PLAC8L1: variants seen among roughly 807,000 people sequenced by gnomAD.
PLAC8L1 encodes the protein PLAC8 like 1.
In PLAC8L1, 13 loss-of-function variants were observed where a neutral mutation model predicts 16.3. The observed-to-expected ratio is 0.80, with a 90% confidence interval of 0.52 to 1.27. PLAC8L1 has a LOEUF of 1.27. Among genes scored for constraint, PLAC8L1 ranks in the 50% most tolerant of loss-of-function variants. The pLI is 0.00. For missense variants in PLAC8L1, 184 were observed against 220.2 expected, an observed-to-expected ratio of 0.84 and a Z score of 1.04; for synonymous variants, 78 against 79.3, an observed-to-expected ratio of 0.98 and a Z score of 0.09.
rs1763876232 is a variant in PLAC8L1 at position 146,104,446 on chromosome 5, A to G, written c.-135T>C. The G allele has an allele frequency of 1.4e-6, 1 of 739,590 alleles. No homozygotes were observed. The highest frequency in any genetic ancestry group is 1.8e-5 in the African/African-American group (1 of 56,506). 45.8% of individuals were successfully genotyped at this position (739,590 alleles called of 1,614,324 possible). ...CCTTAATATTCTGGAACCTGAGGTC[A>G]TAGCAGTGTAACTAACAGACATCTT... On this transcript the variant is annotated 5_prime_UTR_variant, in exon 1 of 4. The change abolishes an upstream ATG in the 5' untranslated region. Transcript: ENST00000311450.
At chr5:146,088,115 C>A (rs1763553376) in intron 2 of PLAC8L1, among the ~76,000 whole-genome samples, 1 of 152,154 alleles carries the variant, frequency 6.6e-6, no homozygotes. Flanking sequence ...GACACAGATC[C>A]AAACCATATC....
chr5:146,103,742 C>T, intron 1 of PLAC8L1: 1 of 985,374 alleles, frequency 1.0e-6, no homozygotes, highest in Non-Finnish European at 1.2e-6. Context: ...CAAGCCCTAC[C>T]ATGTCTCCCA....
chr5:146,099,018 A>C (rs959015663), intron 1 of PLAC8L1, among the ~76,000 whole-genome samples: 1 of 152,238 alleles, frequency 6.6e-6, no homozygotes, highest in African/African-American at 2.4e-5. Flanking sequence ...TCTGAATTAG[A>C]AAATGAAAAC....
At chr5:146,087,763 T>C (rs35228139) in intron 2 of PLAC8L1, among the ~76,000 whole-genome samples, 33,863 of 152,014 alleles carry the variant, frequency 0.22, 4,791 homozygotes, top group Admixed American at 0.33. Flanking sequence ...GGAGGTTTCA[T>C]TGCCTTACAG....
chr5:146,100,659 T>A (rs1561785952), intron 1 of PLAC8L1, among the ~76,000 whole-genome samples: 1 of 152,050 alleles, frequency 6.6e-6, no homozygotes, highest in Non-Finnish European at 1.5e-5. Flanking sequence ...AAAAACAAAA[T>A]TATAAAAATT....
chr5:146,101,542 T>C (rs1763817475), intron 1 of PLAC8L1, among the ~76,000 whole-genome samples: 1 of 152,200 alleles, frequency 6.6e-6, no homozygotes, highest in African/African-American at 2.4e-5. Context: ...ATGCTGTTCC[T>C]CCCTGTATAC....
chr5:146,085,366 C>T, intron 3 of PLAC8L1, 95 bp downstream of exon 3: 2 of 1,387,216 alleles, frequency 1.4e-6, no homozygotes, highest in Non-Finnish European at 2.0e-6. Context: ...TCAACATCCT[C>T]ACCCACCCTT....
At chr5:146,101,427 G>A (rs948201644) in intron 1 of PLAC8L1, among the ~76,000 whole-genome samples, 1 of 152,090 alleles carries the variant, frequency 6.6e-6, no homozygotes, top group Admixed American at 6.5e-5. Flanking sequence ...TACGGCAACC[G>A]AAACAGATTA....
intron 2 of PLAC8L1, among the ~76,000 whole-genome samples, chr5:146,087,063 A>G (rs1000438980): frequency 3.3e-5 from 5 of 152,326 alleles, no homozygotes; most frequent in Admixed American, 1.3e-4. Flanking sequence ...AGAGGCAACC[A>G]TTGTTCCAAT....
intron 1 of PLAC8L1, 89 bp downstream of exon 1, chr5:146,104,104 T>G: frequency 6.6e-7 from 1 of 1,509,404 alleles, no homozygotes; most frequent in Non-Finnish European, 8.8e-7. Context: ...AGCCCAGTTT[T>G]CTTTTCCCTG....
At chr5:146,103,697 T>C (rs1408955266) in intron 1 of PLAC8L1, 1 of 985,276 alleles carries the variant, frequency 1.0e-6, no homozygotes, top group African/African-American at 1.7e-5. Flanking sequence ...TTTCCCTCTT[T>C]TTGACCTCAC....
In PLAC8L1 at chr5:146,103,530, G is replaced by A. The variant is rs753808256; in HGVS notation, c.119+663C>T. 3.3e-5 allele frequency among the ~76,000 whole-genome samples: 5 copies of A among 152,058 alleles called. No homozygotes were observed. The South Asian group carries it at 1.0e-3, about 31-fold the overall frequency. On this transcript the variant is annotated intron_variant, in intron 1 of 3. Coordinates refer to ENST00000311450, the MANE Select transcript of PLAC8L1 (RefSeq NM_001029869.3). ...CCATTCCAGTTGGCCCAGGACCAAG[G>A]GTTTTCCCAGGATAGGGAAGTTTTA...
intron 1 of PLAC8L1, chr5:146,103,720 C>T (rs1763861377): frequency 2.0e-6 from 2 of 985,266 alleles, no homozygotes; most frequent in Middle Eastern, 5.2e-4. Context: ...CATTCCTCTT[C>T]CTCTTCTAGC....
intron 2 of PLAC8L1, among the ~76,000 whole-genome samples, chr5:146,089,448 T>C (rs1053187160): frequency 2.6e-5 from 4 of 152,260 alleles, no homozygotes; most frequent in African/African-American, 9.6e-5. Flanking sequence ...AACAATCCTA[T>C]AGGTATTCTT....
At chr5:146,093,020 C>T (rs1027211477) in intron 2 of PLAC8L1, among the ~76,000 whole-genome samples, 3 of 151,498 alleles carry the variant, frequency 2.0e-5, no homozygotes, top group South Asian at 2.1e-4. Context: ...ATAAATTATA[C>T]ACACACACAC....
chr5:146,098,055 C>T, intron 2 of PLAC8L1, 101 bp downstream of exon 2: 8 of 1,333,662 alleles, frequency 6.0e-6, no homozygotes, highest in Non-Finnish European at 8.2e-6. Context: ...ATTCTGAAAA[C>T]ATTTAATTTC....
chr5:146,092,042 T>C (rs919645461), intron 2 of PLAC8L1, among the ~76,000 whole-genome samples: 1 of 152,184 alleles, frequency 6.6e-6, no homozygotes, highest in Non-Finnish European at 1.5e-5. Flanking sequence ...TCCACCCGCA[T>C]GTGTGGAATG....
At chr5:146,099,040 G>C (rs1763764354) in intron 1 of PLAC8L1, among the ~76,000 whole-genome samples, 1 of 152,178 alleles carries the variant, frequency 6.6e-6, no homozygotes, top group Non-Finnish European at 1.5e-5. Flanking sequence ...TGGTGGCTGG[G>C]CTTCAAAAGC....
chr5:146,100,259 A>C (rs1048092787), intron 1 of PLAC8L1, among the ~76,000 whole-genome samples: 4 of 152,194 alleles, frequency 2.6e-5, no homozygotes, highest in African/African-American at 9.6e-5. Context: ...ACAATACTTA[A>C]CAAACGGCTG....
Sources: gnomAD v4.1 joint callset for allele counts (sites outside exome capture counted in the v4.1 genomes callset) on GRCh38, gnomAD v4.1.1 for gene constraint, MANE v1.5 for transcripts, NCBI Gene and HGNC (gene_info 2026-07-23, HGNC 2026-07-21) for gene names.